XRRA1: variants seen among roughly 807,000 people sequenced by gnomAD.
XRRA1 encodes the protein X-ray radiation resistance-associated protein 1.
In XRRA1, 69 loss-of-function variants were observed where a neutral mutation model predicts 80.2. The observed-to-expected ratio is 0.86, with a 90% CI of 0.71 to 1.05. The LOEUF is 1.05. XRRA1 is among the 50% of genes least tolerant of loss of function. The pLI is 0.00. For missense variants in XRRA1, 967 were observed against 976.4 expected, an observed-to-expected ratio of 0.99 and a Z score of 0.13; for synonymous variants, 348 against 389.9, an observed-to-expected ratio of 0.89 and a Z score of 1.27.
At chr11:74,886,986 A>G (rs1031325072) in intron 10 of XRRA1, among the ~76,000 whole-genome samples, 1 of 152,250 alleles carries the variant, frequency 6.6e-6, no homozygotes, top group Non-Finnish European at 1.5e-5. Flanking sequence ...TATTCAATCA[A>G]TGATGCTGAG....
intron 16 of XRRA1, among the ~76,000 whole-genome samples, chr11:74,844,793 GAC>G (rs2037586214): frequency 6.6e-6 from 1 of 152,254 alleles, no homozygotes; most frequent in African/African-American, 2.4e-5. Flanking sequence ...CCTGAGGAGA[GAC>G]TTTATCATCC....
At chr11:74,935,508 C>T (rs1475923969) in intron 4 of XRRA1, among the ~76,000 whole-genome samples, 1 of 152,090 alleles carries the variant, frequency 6.6e-6, no homozygotes, top group Non-Finnish European at 1.5e-5. Flanking sequence ...TCATGGCAGT[C>T]GAGATGAGAA....
chr11:74,907,045 G>C lies in XRRA1; in HGVS notation c.785+100C>G, dbSNP rs2054757315. On this transcript the variant is annotated intron_variant, in intron 9 of 18. Coordinates refer to ENST00000684022, the MANE Select transcript of XRRA1 (RefSeq NM_001378157.1). The stretch of plus-strand genomic sequence containing the variant: ...ACAGTAGAGATAAATTGTGGAGCTA[G>C]GCTTTAAACCCAAACCTTTTGGCTT... 1.2e-5 allele frequency: 18 copies of C among 1,493,994 alleles called. No individual in the cohort carries two copies. The Middle Eastern group carries it at 9.8e-4, about 81-fold the overall frequency. 92.5% of individuals were successfully genotyped at this position (1,493,994 alleles called of 1,614,324 possible).
intron 10 of XRRA1, among the ~76,000 whole-genome samples, chr11:74,904,890 G>GT (rs2054256627): frequency 1.2e-5 from 1 of 86,908 alleles, no homozygotes. Flanking sequence ...CAACTTCACA[G>GT]TAAAAAAAAA....
intron 11 of XRRA1, among the ~76,000 whole-genome samples, chr11:74,860,477 C>T (rs2042089089): frequency 6.6e-6 from 1 of 152,216 alleles, no homozygotes; most frequent in South Asian, 2.1e-4. Flanking sequence ...GCATAACTGG[C>T]CCTGATGGGG....
At chr11:74,886,236 G>A (rs539117437) in intron 10 of XRRA1, among the ~76,000 whole-genome samples, 1 of 152,050 alleles carries the variant, frequency 6.6e-6, no homozygotes, top group African/African-American at 2.4e-5. Flanking sequence ...AGAAAGAAAT[G>A]AGAGGCCTCC....
intron 1 of XRRA1, among the ~76,000 whole-genome samples, 198 bp from the exon 2 acceptor site, chr11:74,945,283 G>A (rs72988536): frequency 6.6e-6 from 1 of 152,212 alleles, no homozygotes; most frequent in Non-Finnish European, 1.5e-5. Context: ...ATGGGAAGGT[G>A]GTATAGGAGA....
Position 74,859,301 on chromosome 11 carries a change from GTCAAAA to G in XRRA1, c.1045-24_1045-19del. ...TTGGTTGTCTTAGAAAGAAGGAAAA[GTCAAAA>G]TCAAAGTGCCCGATAATAAATAAGG... On this transcript the variant is annotated intron_variant, in intron 11 of 18. Transcript: ENST00000684022. 6.3e-7 allele frequency: 1 copy of G among 1,597,054 alleles called. No individual in the cohort carries two copies.
intron 10 of XRRA1, among the ~76,000 whole-genome samples, chr11:74,888,267 T>G (rs775329902): frequency 6.6e-6 from 1 of 152,134 alleles, no homozygotes; most frequent in Non-Finnish European, 1.5e-5. Context: ...TGTTCACCAA[T>G]ATCTGCTGTT....
chr11:74,868,346 C>T (rs2043949042), intron 10 of XRRA1, among the ~76,000 whole-genome samples: 1 of 152,106 alleles, frequency 6.6e-6, no homozygotes, highest in Admixed American at 6.6e-5. Flanking sequence ...TACTATCCGA[C>T]CAGATATGCC....
At chr11:74,945,496 T>C (rs1947321764) in intron 1 of XRRA1, among the ~76,000 whole-genome samples, 1 of 152,218 alleles carries the variant, frequency 6.6e-6, no homozygotes, top group Admixed American at 6.5e-5. Flanking sequence ...TGACTCACAC[T>C]GAAGCCTGTA....
At chr11:74,867,841 C>CAA (rs61428267) in intron 10 of XRRA1, among the ~76,000 whole-genome samples, 11 of 138,056 alleles carry the variant, frequency 8.0e-5, no homozygotes, top group African/African-American at 2.9e-4. Context: ...AGGTCACCTA[C>CAA]AAAAAAAAAC....
intron 10 of XRRA1, among the ~76,000 whole-genome samples, chr11:74,889,098 A>T (rs1243418553): frequency 2.0e-5 from 3 of 152,178 alleles, no homozygotes; most frequent in African/African-American, 7.2e-5. Context: ...AAGATACATA[A>T]TTGTCAGATT....
intron 6 of XRRA1, among the ~76,000 whole-genome samples, chr11:74,927,903 T>C (rs1312892786): frequency 6.6e-6 from 1 of 152,250 alleles, no homozygotes; most frequent in East Asian, 1.9e-4. Context: ...AAAAGTTCCA[T>C]ATATAGCACT....
intron 1 of XRRA1, among the ~76,000 whole-genome samples, 163 bp from the exon 2 acceptor site, chr11:74,945,248 A>G (rs1947261828): frequency 6.6e-6 from 1 of 152,162 alleles, no homozygotes; most frequent in African/African-American, 2.4e-5. Context: ...ACCAATACAG[A>G]GATGGAGACA....
chr11:74,949,045 C>A lies in XRRA1; in HGVS notation c.-190G>T, dbSNP rs1397163164. 1 of 402,254 alleles carries A rather than the reference C, an allele frequency of 2.5e-6. No individual in the cohort carries two copies. The allele number at this position is 402,254 out of a possible 1,614,324, so 24.9% of individuals were successfully genotyped here. ...GGAGCCGCTCCACTGCGGTGCCTGC[C>A]GCTATCTTCCCCACGCCTTAGTAAC... is the stretch of plus-strand genomic sequence containing the variant. On this transcript the variant is annotated 5_prime_UTR_variant, in exon 1 of 19. Coordinates refer to ENST00000684022, the MANE Select transcript of XRRA1 (RefSeq NM_001378157.1).
intron 10 of XRRA1, among the ~76,000 whole-genome samples, chr11:74,905,501 C>CT (rs111880552): frequency 5.1e-4 from 78 of 152,332 alleles, no homozygotes; most frequent in African/African-American, 1.9e-3. Flanking sequence ...TAAAGGGAGA[C>CT]TGCAAAGCTG....
intron 7 of XRRA1, among the ~76,000 whole-genome samples, chr11:74,926,811 T>G (rs1942345041): frequency 6.6e-6 from 1 of 152,188 alleles, no homozygotes; most frequent in Non-Finnish European, 1.5e-5. Flanking sequence ...CAGCTGTGAA[T>G]GTACAAATGT....
chr11:74,905,814 G>A (rs2054467363), intron 10 of XRRA1, among the ~76,000 whole-genome samples: 2 of 152,050 alleles, frequency 1.3e-5, no homozygotes, highest in South Asian at 2.1e-4. Flanking sequence ...AAGCAGCACC[G>A]CTTCCCCAGA....
Sources: allele counts gnomAD v4.1 joint callset (sites outside exome capture counted in the v4.1 genomes callset), GRCh38; gene constraint gnomAD v4.1.1; transcripts MANE v1.5; gene names NCBI Gene and HGNC (gene_info 2026-07-23, HGNC 2026-07-21).